Variants in PARD3B observed in about 807,000 individuals in gnomAD.
The protein encoded by PARD3B is partitioning defective 3 homolog B.
Under a neutral mutation model 130.2 loss-of-function variants are expected in PARD3B, and 103 were observed. The observed-to-expected ratio is 0.79, with a 90% CI of 0.67 to 0.93. PARD3B has a LOEUF of 0.93. Ranked by LOEUF, PARD3B falls within the 40% of genes least tolerant of loss-of-function variation. The pLI is 0.00. For synonymous variants in PARD3B, 583 were observed against 553.2 expected (o/e 1.05, Z -0.76); for missense variants, 1,609 against 1,499.2 (o/e 1.07, Z -1.21).
chr2:204,936,289 T>C (rs980242326), intron 2 of PARD3B, among the ~76,000 whole-genome samples: 1 of 152,252 alleles, frequency 6.6e-6, no homozygotes, highest in East Asian at 1.9e-4. Context: ...CTGGTAGCAA[T>C]AGCATTTGAG....
intron 2 of PARD3B, among the ~76,000 whole-genome samples, chr2:204,895,208 G>T (rs1342016368): frequency 6.6e-6 from 1 of 152,084 alleles, no homozygotes. Flanking sequence ...GGTTATGTTA[G>T]AAAAGTAGTT....
At chr2:204,964,291 C>A (rs1015323988) in intron 2 of PARD3B, among the ~76,000 whole-genome samples, 3 of 152,126 alleles carry the variant, frequency 2.0e-5, no homozygotes, top group African/African-American at 7.2e-5. Context: ...TGTCTGTTGG[C>A]CAAAAGTGCA....
chr2:205,024,881 T>C (rs1363936125), intron 3 of PARD3B, among the ~76,000 whole-genome samples: 1 of 152,216 alleles, frequency 6.6e-6, no homozygotes, highest in African/African-American at 2.4e-5. Flanking sequence ...TGATTTGTGT[T>C]CTATAATACT....
intron 1 of PARD3B, among the ~76,000 whole-genome samples, chr2:204,636,263 A>G (rs1198853178): frequency 6.6e-6 from 1 of 152,108 alleles, no homozygotes; most frequent in Non-Finnish European, 1.5e-5. Context: ...CTGGGGAGAT[A>G]TATAACTAAT....
At chr2:204,772,551 T>C (rs1370205321) in intron 2 of PARD3B, among the ~76,000 whole-genome samples, 1 of 152,138 alleles carries the variant, frequency 6.6e-6, no homozygotes, top group African/African-American at 2.4e-5. Context: ...TCAAGTTTAA[T>C]GTAAAGAAAG....
At position 205,407,040 on chromosome 2, in the gene PARD3B, G is replaced by C. The variant is rs1214949960; in HGVS notation, c.2741+5917G>C. Among the ~76,000 whole-genome samples the C allele has an allele frequency of 1.3e-5, 2 of 152,102 alleles. No individual in the cohort carries two copies. The highest frequency in any genetic ancestry group is 2.9e-5 in the Non-Finnish European group (2 of 68,012). ...GTTCTTTTCAGATATTCCAGTATGA[G>C]AAATATCTAAATATCTTAAGTATGG... On this transcript the variant is annotated intron_variant, in intron 19 of 22. Coordinates refer to ENST00000406610, the MANE Select transcript of PARD3B (RefSeq NM_001302769.2). The surrounding 1 kb of genome is among the most constrained non-coding windows in gnomAD (Gnocchi z 4.1).
intron 3 of PARD3B, among the ~76,000 whole-genome samples, chr2:204,998,546 A>G (rs533955875): frequency 7.7e-6 from 1 of 130,044 alleles, no homozygotes; most frequent in East Asian, 2.3e-4. Context: ...GTATATATAT[A>G]TAAAGAATTA....
chr2:204,753,766 T>C lies in PARD3B; in HGVS notation c.222+67484T>C, dbSNP rs529669186. ...ATGAAATACTTTATTCAAAATGAAA[T>C]GGTGAGCCAGGCATGGTGGGCCACA... On this transcript the variant is annotated intron_variant, in intron 2 of 22. Transcript: ENST00000406610. Among the ~76,000 whole-genome samples, 62 of 152,142 alleles carry C rather than the reference T, an allele frequency of 4.1e-4. 1 individual carries two copies. The South Asian group carries it at 0.011, about 27-fold the overall frequency.
At chr2:204,668,431 A>C (rs2036124993) in intron 1 of PARD3B, among the ~76,000 whole-genome samples, 1 of 152,202 alleles carries the variant, frequency 6.6e-6, no homozygotes, top group African/African-American at 2.4e-5. Flanking sequence ...TTAAAAACTA[A>C]TGCTTTCCTT....
intron 1 of PARD3B, among the ~76,000 whole-genome samples, chr2:204,556,774 A>G (rs1469965937): frequency 6.6e-6 from 1 of 152,222 alleles, no homozygotes; most frequent in Non-Finnish European, 1.5e-5. Flanking sequence ...ATATGTGTAT[A>G]AACTTAAAAT....
Position 205,112,374 on chromosome 2 carries a change from A to G in PARD3B, c.594-1117A>G, listed in dbSNP as rs578054506. Among the ~76,000 whole-genome samples, 9 of 152,218 alleles carry G rather than the reference A, an allele frequency of 5.9e-5. No homozygotes were observed. The South Asian group carries it at 1.9e-3, about 31-fold the overall frequency. On this transcript the variant is annotated intron_variant, in intron 5 of 22. Coordinates refer to ENST00000406610, the MANE Select transcript of PARD3B (RefSeq NM_001302769.2). Reference sequence around the variant, plus strand: ...ATTTATTTTAGATTGCTGATAATTTAGAGAATACTTCGTGCAGAGTGAATT... The same window carrying G: ...ATTTATTTTAGATTGCTGATAATTTGGAGAATACTTCGTGCAGAGTGAATT...
At chr2:205,360,458 A>C (rs1220916509) in intron 18 of PARD3B, among the ~76,000 whole-genome samples, 2 of 152,054 alleles carry the variant, frequency 1.3e-5, no homozygotes, top group Non-Finnish European at 2.9e-5. Flanking sequence ...ACTTTCCTAC[A>C]TTTCCTTCTA....
chr2:204,877,203 T>TG (rs1448751083), intron 2 of PARD3B, among the ~76,000 whole-genome samples: 1 of 151,644 alleles, frequency 6.6e-6, no homozygotes, highest in African/African-American at 2.4e-5. Flanking sequence ...TGAGAACACT[T>TG]GGACACAGGA....
At chr2:204,918,185 C>T (rs563899277) in intron 2 of PARD3B, among the ~76,000 whole-genome samples, 1 of 152,256 alleles carries the variant, frequency 6.6e-6, no homozygotes, top group South Asian at 2.1e-4. Context: ...TCAAATTTCT[C>T]CTTTGAGGAC....
At chr2:204,569,498 G>T (rs2125066397) in intron 1 of PARD3B, among the ~76,000 whole-genome samples, 1 of 152,286 alleles carries the variant, frequency 6.6e-6, no homozygotes, top group Admixed American at 6.5e-5. Context: ...CTATTCATTG[G>T]GGAATGTGAC....
intron 21 of PARD3B, among the ~76,000 whole-genome samples, chr2:205,508,029 A>T (rs2050440852): frequency 6.6e-6 from 1 of 152,224 alleles, no homozygotes; most frequent in Non-Finnish European, 1.5e-5. Flanking sequence ...GAACGATCTG[A>T]GTACAGATTG....
At chr2:205,286,832 T>C (rs2041413577) in intron 16 of PARD3B, among the ~76,000 whole-genome samples, 1 of 152,210 alleles carries the variant, frequency 6.6e-6, no homozygotes, top group African/African-American at 2.4e-5. Flanking sequence ...GATAGGTTGT[T>C]TGAACCCCTG....
intron 6 of PARD3B, among the ~76,000 whole-genome samples, 172 bp from the exon 7 acceptor site, chr2:205,118,749 C>A (rs749641340): frequency 1.3e-5 from 2 of 152,114 alleles, no homozygotes; most frequent in Non-Finnish European, 2.9e-5. Flanking sequence ...CTCTTGTAGT[C>A]AGTTTTGGCT....
chr2:204,976,824 G>A (rs1692214033), intron 3 of PARD3B, among the ~76,000 whole-genome samples: 1 of 151,836 alleles, frequency 6.6e-6, no homozygotes, highest in Non-Finnish European at 1.5e-5. Flanking sequence ...TGGTCAGGCT[G>A]GTCTCGAACT....
Sources: gnomAD v4.1 joint callset for allele counts (sites outside exome capture counted in the v4.1 genomes callset) on GRCh38, gnomAD v4.1.1 for gene constraint, Gnocchi (gnomAD v3.1) non-coding constraint, MANE v1.5 for transcripts, NCBI Gene and HGNC (gene_info 2026-07-23, HGNC 2026-07-21) for gene names.